Variants in UGGT1 observed in about 807,000 individuals in gnomAD.
UGGT1 encodes UDP-glucose glycoprotein glucosyltransferase 1, also known as UDP-glucose:glycoprotein glucosyltransferase 1.
A neutral mutation model predicts 203.9 loss-of-function variants in UGGT1; 107 were observed. The ratio of observed to expected loss-of-function variants is 0.52; its 90% CI spans 0.45 to 0.62. UGGT1 has a LOEUF of 0.62. Among genes scored for constraint, UGGT1 ranks in the 20% least tolerant of loss-of-function variants. The pLI is 0.00. For synonymous variants in UGGT1, 628 were observed against 653.5 expected, an observed-to-expected ratio of 0.96 and a Z score of 0.59; for missense variants, 1,673 against 1,867.2, an observed-to-expected ratio of 0.90 and a Z score of 1.92.
chr2:128,109,818 A>G, intron 5 of UGGT1, 72 bp downstream of exon 5: 1 of 1,265,420 alleles, frequency 7.9e-7, no homozygotes, highest in Non-Finnish European at 1.2e-6. Context: ...CTACCTTCTG[A>G]TTTTCTCATC....
intron 17 of UGGT1, 144 bp from the exon 18 acceptor site, chr2:128,145,659 T>C: frequency 1.2e-6 from 1 of 810,616 alleles, no homozygotes. Flanking sequence ...TTCATTTTTT[T>C]AAAAAGAAAT....
intron 16 of UGGT1, chr2:128,140,506 G>A (rs1189662980): frequency 6.6e-6 from 1 of 152,244 alleles, no homozygotes; most frequent in Non-Finnish European, 1.5e-5. Context: ...TAGCAACAAG[G>A]CTTCCCTGGG....
Position 128,191,529 on chromosome 2 carries a change from C to T in UGGT1, c.*1787C>T, listed in dbSNP as rs1033671205. 2.0e-5 allele frequency: 3 copies of T among 152,246 alleles called. No individual in the cohort carries two copies. Among genetic ancestry groups the T allele is most frequent in the Admixed American group, 6.5e-5 (1 of 15,272 alleles). The allele number at this position is 152,246 out of a possible 1,614,324, so 9.4% of individuals were successfully genotyped here. On this transcript the variant is annotated 3_prime_UTR_variant, in exon 41 of 41. Transcript: ENST00000259253. ...ACTTTCCCCGCCCTGCCCCTCTGTTCAGAGCAGCTGGAAAGATGGGATCAG... is the reference window on the plus strand; with the variant it reads ...ACTTTCCCCGCCCTGCCCCTCTGTTTAGAGCAGCTGGAAAGATGGGATCAG...
In UGGT1 at chr2:128,107,978, A is replaced by G. The variant is rs1253613536; in HGVS notation, c.318A>G (p.Ala106=). 3 of 1,614,046 alleles carry G rather than the reference A, an allele frequency of 1.9e-6. No homozygotes were observed. The highest frequency in any genetic ancestry group is 2.5e-6 in the Non-Finnish European group (3 of 1,180,030). The change falls in exon 4 of 41, where the codon GCA becomes GCG. Residue 106 remains alanine, a synonymous_variant. Transcript: ENST00000259253. ...ACTATCATGCAATATTGGAGGCTGC[A>G]TTTCAGTTTCTGTCACCCCTCCAGC... ...YSYYHAILEA[A]FQFLSPLQQN...
At chr2:128,168,536 G>A (rs1049134313) in intron 26 of UGGT1, among the ~76,000 whole-genome samples, 2 of 152,144 alleles carry the variant, frequency 1.3e-5, no homozygotes, top group African/African-American at 4.8e-5. Context: ...AAAAGTAAAA[G>A]TAGTGGTTAG....
chr2:128,186,112 A>G (rs1691969736), intron 38 of UGGT1, among the ~76,000 whole-genome samples: 1 of 152,218 alleles, frequency 6.6e-6, no homozygotes. Context: ...AGGGAGGGTT[A>G]GGTGCAGGCT....
intron 38 of UGGT1, among the ~76,000 whole-genome samples, chr2:128,185,492 T>C (rs1338395756): frequency 7.0e-6 from 1 of 143,630 alleles, no homozygotes; most frequent in Admixed American, 6.9e-5. Flanking sequence ...TTTTTTTTTT[T>C]AGACAAGGTC....
intron 5 of UGGT1, among the ~76,000 whole-genome samples, chr2:128,112,474 T>TATATATATATATA (rs1687915322): frequency 6.2e-5 from 2 of 32,494 alleles, no homozygotes; most frequent in Admixed American, 3.8e-4. Flanking sequence ...ATATATATAT[T>TATATATATATATA]ACATACATAC....
chr2:128,164,771 C>T lies in UGGT1; in HGVS notation c.2867C>T (p.Ala956Val), dbSNP rs199731155. The T allele has an allele frequency of 2.9e-5, 47 of 1,612,848 alleles. No homozygotes were observed. Among genetic ancestry groups the T allele is most frequent in the South Asian group, 2.0e-4 (18 of 90,978 alleles). ...ATGAAGGTGGATGCTCTTCTGTCAG[C>T]GCAACCAAAAGGAGATCCAAGAATC... ...LVMKVDALLS[A>V]QPKGDPRIEY... The change falls in exon 26 of 41, where the codon GCG becomes GTG. Residue 956 changes from alanine (A) to valine (V), a missense_variant. Transcript: ENST00000259253.
intron 5 of UGGT1, among the ~76,000 whole-genome samples, chr2:128,111,799 C>A (rs1195628479): frequency 1.3e-5 from 2 of 150,118 alleles, no homozygotes; most frequent in Non-Finnish European, 3.0e-5. Context: ...CCGGCCTATA[C>A]TTATATTTTT....
chr2:128,161,047 G>A, intron 24 of UGGT1, 91 bp from the exon 25 acceptor site: 5 of 1,476,504 alleles, frequency 3.4e-6, no homozygotes, highest in Non-Finnish European at 3.7e-6. Flanking sequence ...TGGCGTATGA[G>A]GTAGCCTGAG....
chr2:128,172,509 G>T, intron 28 of UGGT1, 64 bp from the exon 29 acceptor site: 1 of 1,535,142 alleles, frequency 6.5e-7, no homozygotes. Flanking sequence ...CCTGTGTAAG[G>T]GCTGTGCACT....
At chr2:128,166,594 A>G (rs1219098637) in intron 26 of UGGT1, among the ~76,000 whole-genome samples, 1 of 152,120 alleles carries the variant, frequency 6.6e-6, no homozygotes, top group Admixed American at 6.6e-5. Context: ...TTTAATCTGG[A>G]AGAGTTCTTT....
At chr2:128,182,040 C>A in intron 36 of UGGT1, 90 bp from the exon 37 acceptor site, 2 of 1,326,478 alleles carry the variant, frequency 1.5e-6, no homozygotes, top group Non-Finnish European at 2.1e-6. Context: ...GCCTTCCATG[C>A]TGCCTTAAGC....
Position 128,127,315 on chromosome 2 carries a change from T to A in UGGT1, c.1135-46T>A, listed in dbSNP as rs115524312. 4.4e-4 allele frequency: 622 copies of A among 1,419,862 alleles called. 2 individuals carry two copies. The African/African-American group carries it at 7.5e-3, about 17-fold the overall frequency. The allele number at this position is 1,419,862 out of a possible 1,614,324, so 88.0% of individuals were successfully genotyped here. On this transcript the variant is annotated intron_variant, in intron 11 of 40. Coordinates refer to ENST00000259253, the MANE Select transcript of UGGT1 (RefSeq NM_020120.4). The stretch of plus-strand genomic sequence containing the variant: ...AGCCCAGAAACAATAAAATTTTTTT[T>A]AAAACATTCTCTCACAGCTCCCTAA...
Position 128,129,087 on chromosome 2 carries a change from A to G in UGGT1, c.1285A>G (p.Ile429Val), listed in dbSNP as rs1418454445. ...RVMEGLHRLG[I>V]EGLSLHNVLK... ...AATGGAGGGTCTGCATAGATTGGGA[A>G]TAGAAGGCCTTTCTCTGCATAATGT... is the stretch of plus-strand genomic sequence containing the variant. Residue 429 changes from isoleucine to valine, a missense_variant, in exon 13 of 41, where the codon ATA (isoleucine) becomes GTA (valine). Coordinates refer to ENST00000259253, the MANE Select transcript of UGGT1 (RefSeq NM_020120.4). 3 of 1,613,958 alleles carry G rather than the reference A, an allele frequency of 1.9e-6. No individual in the cohort carries two copies. The East Asian group carries it at 6.7e-5, about 36-fold the overall frequency.
At chr2:128,188,021 C>CT (rs36115792) in intron 40 of UGGT1, among the ~76,000 whole-genome samples, 170 of 124,576 alleles carry the variant, frequency 1.4e-3, no homozygotes, top group Middle Eastern at 4.1e-3. Context: ...GTTGAAGAAA[C>CT]TTTTTTTTTT....
intron 31 of UGGT1, among the ~76,000 whole-genome samples, chr2:128,176,566 T>C (rs1691400592): frequency 6.6e-6 from 1 of 152,136 alleles, no homozygotes; most frequent in African/African-American, 2.4e-5. Context: ...TTACCACACA[T>C]GGGTGCCTCT....
In UGGT1 at chr2:128,129,020, TCCCC is replaced by T; in HGVS notation, c.1227-6_1227-3del. 4 of 1,548,064 alleles carry T rather than the reference TCCCC, an allele frequency of 2.6e-6. No individual in the cohort carries two copies. Among genetic ancestry groups the T allele is most frequent in the Admixed American group, 2.3e-5 (1 of 43,982 alleles). ...CCTAGTAAATATCTCTTTTTGTTTT[TCCCC>T]CCAGTCTGTTTGATGTGTTGAGGAA... is the stretch of plus-strand genomic sequence containing the variant. On this transcript the variant is annotated splice_region_variant and splice_polypyrimidine_tract_variant and intron_variant, in intron 12 of 40. Transcript: ENST00000259253.
Sources: allele counts gnomAD v4.1 joint callset (sites outside exome capture counted in the v4.1 genomes callset), GRCh38; gene constraint gnomAD v4.1.1; transcripts MANE v1.5; gene names NCBI Gene and HGNC (gene_info 2026-07-23, HGNC 2026-07-21).